Variants in GRIA4 observed in about 807,000 individuals in gnomAD.
GRIA4 encodes the protein glutamate receptor 4.
GRIA4 carries 34 observed loss-of-function variants against 104.0 expected under a neutral mutation model. The ratio of observed to expected loss-of-function variants is 0.33; its 90% CI spans 0.25 to 0.44. GRIA4 has a LOEUF of 0.44. GRIA4 is among the 20% of genes least tolerant of loss of function. The probability of loss-of-function intolerance (pLI) is 1.00; values close to 1 mark genes in which losing one functional copy is unlikely to be tolerated. For missense variants in GRIA4, 750 were observed against 1,096.5 expected, an observed-to-expected ratio of 0.68 and a Z score of 4.46; for synonymous variants, 386 against 381.9, an observed-to-expected ratio of 1.01 and a Z score of -0.13.
intron 4 of GRIA4, among the ~76,000 whole-genome samples, chr11:105,851,348 C>G (rs1317001471): frequency 6.6e-6 from 1 of 152,104 alleles, no homozygotes; most frequent in Non-Finnish European, 1.5e-5. Context: ...GGTAAACTAG[C>G]AATTACAGTT....
chr11:105,924,905 T>C (rs1947663474), intron 12 of GRIA4, 136 bp downstream of exon 12: 5 of 631,892 alleles, frequency 7.9e-6, no homozygotes, highest in East Asian at 5.4e-5. Flanking sequence ...AATTCCCAAA[T>C]AGCAATTTCT....
chr11:105,902,569 A>G (rs1344113774), intron 7 of GRIA4, among the ~76,000 whole-genome samples: 1 of 152,048 alleles, frequency 6.6e-6, no homozygotes, highest in African/African-American at 2.4e-5. Context: ...TCCTAGACTC[A>G]AGTGATCCAC....
At chr11:105,866,204 G>A (rs1425475476) in intron 5 of GRIA4, among the ~76,000 whole-genome samples, 3 of 152,110 alleles carry the variant, frequency 2.0e-5, no homozygotes, top group Admixed American at 1.3e-4. Context: ...TTTAAATAAG[G>A]ACAGTTGAGC....
intron 3 of GRIA4, among the ~76,000 whole-genome samples, chr11:105,714,857 T>C (rs78468557): frequency 0.017 from 2,622 of 152,066 alleles, 73 homozygotes; most frequent in African/African-American, 0.059. Flanking sequence ...TCTGCAGGTG[T>C]CTCTGAGAGA....
rs1355753602 is a variant in GRIA4 at position 105,612,602 on chromosome 11, T to C, written c.247+168T>C. The C allele has an allele frequency of 1.2e-5, 5 of 420,536 alleles. 1 individual carries two copies. The highest frequency in any genetic ancestry group is 1.2e-5 in the Non-Finnish European group (3 of 260,456). The allele number at this position is 420,536 out of a possible 1,614,324, so 26.1% of individuals were successfully genotyped here. On this transcript the variant is annotated intron_variant, in intron 3 of 16. Transcript: ENST00000282499. ...AACAAGACTTCGTTTCAGGGATATT[T>C]AGTTGTTTTTTTTTTCTTTTCCTTA...
chr11:105,828,786 T>G (rs1368784762), intron 4 of GRIA4, among the ~76,000 whole-genome samples: 1 of 151,976 alleles, frequency 6.6e-6, no homozygotes, highest in African/African-American at 2.4e-5. Context: ...GGGAAATGGG[T>G]TAACTGAAAT....
chr11:105,663,002 C>A (rs977176455), intron 3 of GRIA4, among the ~76,000 whole-genome samples: 2 of 151,868 alleles, frequency 1.3e-5, no homozygotes, highest in African/African-American at 4.8e-5. Context: ...TGAATGGGAA[C>A]AGTCTTGCCA....
At chr11:105,617,271 T>C (rs1950624623) in intron 3 of GRIA4, among the ~76,000 whole-genome samples, 1 of 150,968 alleles carries the variant, frequency 6.6e-6, no homozygotes, top group African/African-American at 2.4e-5. Context: ...TTTATATATC[T>C]TTTCATATAT....
At chr11:105,756,278 G>A (rs1300953058) in intron 4 of GRIA4, among the ~76,000 whole-genome samples, 1 of 152,088 alleles carries the variant, frequency 6.6e-6, no homozygotes, top group Non-Finnish European at 1.5e-5. Context: ...AATTGGGAAG[G>A]TCAGGGGTTA....
chr11:105,636,653 G>A (rs1591478942), intron 3 of GRIA4, among the ~76,000 whole-genome samples: 1 of 152,132 alleles, frequency 6.6e-6, no homozygotes, highest in East Asian at 1.9e-4. Context: ...GCAGCCATAT[G>A]GTGATACTTC....
intron 3 of GRIA4, among the ~76,000 whole-genome samples, chr11:105,638,796 A>G (rs1047657434): frequency 2.0e-5 from 3 of 151,830 alleles, no homozygotes; most frequent in Admixed American, 6.6e-5. Context: ...TTCTTTTTCT[A>G]TCTTTCCTTG....
At position 105,776,666 on chromosome 11, in the gene GRIA4, T is replaced by TG. The variant is rs1205490702; in HGVS notation, c.487+23446_487+23447insG. Among the ~76,000 whole-genome samples the TG allele has an allele frequency of 2.0e-5, 3 of 152,286 alleles. No homozygotes were observed. In the East Asian group the frequency reaches 5.8e-4, roughly 29 times the overall value. ...GTCTCCCTAGTCCCTGAGGTCTAGA[T>TG]AGAAGTTCCTTGAACCACCATTTCC... On this transcript the variant is annotated intron_variant, in intron 4 of 16. Transcript: ENST00000282499.
intron 3 of GRIA4, among the ~76,000 whole-genome samples, chr11:105,727,700 C>A (rs1206960972): frequency 6.6e-6 from 1 of 152,236 alleles, no homozygotes; most frequent in East Asian, 1.9e-4. Context: ...CTGCAAGCCA[C>A]AAGAGAGTGG....
At chr11:105,831,663 G>A (rs2135934542) in intron 4 of GRIA4, among the ~76,000 whole-genome samples, 1 of 152,132 alleles carries the variant, frequency 6.6e-6, no homozygotes, top group African/African-American at 2.4e-5. Context: ...GGGTATTAAA[G>A]CGAGTGCCTC....
intron 3 of GRIA4, among the ~76,000 whole-genome samples, chr11:105,746,444 T>C (rs953785332): frequency 7.3e-5 from 11 of 151,094 alleles, no homozygotes; most frequent in African/African-American, 2.7e-4. Flanking sequence ...GCACAGAGTA[T>C]TATGGCAAAA....
At chr11:105,778,483 G>A (rs1360311884) in intron 4 of GRIA4, among the ~76,000 whole-genome samples, 1 of 152,184 alleles carries the variant, frequency 6.6e-6, no homozygotes, top group Non-Finnish European at 1.5e-5. Context: ...GAGGTGGGAG[G>A]ATCACGAGGT....
At chr11:105,821,641 A>G (rs774081886) in intron 4 of GRIA4, among the ~76,000 whole-genome samples, 4 of 152,022 alleles carry the variant, frequency 2.6e-5, no homozygotes, top group Non-Finnish European at 5.9e-5. Context: ...ATCCACCCCC[A>G]TGACTCAAAC....
intron 3 of GRIA4, among the ~76,000 whole-genome samples, chr11:105,626,381 T>C (rs1474755221): frequency 6.6e-6 from 1 of 152,056 alleles, no homozygotes; most frequent in East Asian, 1.9e-4. Context: ...AACTATAAAG[T>C]ATATTTAACC....
intron 4 of GRIA4, among the ~76,000 whole-genome samples, chr11:105,853,646 GA>G (rs1208154238): frequency 6.6e-6 from 1 of 152,150 alleles, no homozygotes; most frequent in Non-Finnish European, 1.5e-5. Flanking sequence ...TTGATCAGCA[GA>G]AATGAAAATG....
Sources: allele counts gnomAD v4.1 joint callset (sites outside exome capture counted in the v4.1 genomes callset), GRCh38; gene constraint gnomAD v4.1.1; transcripts MANE v1.5; gene names NCBI Gene and HGNC (gene_info 2026-07-23, HGNC 2026-07-21).